Variants in TBL1X observed in about 807,000 individuals in gnomAD.
The protein encoded by TBL1X is transducin beta like 1 X-linked, also known as F-box-like/WD repeat-containing protein TBL1X.
A neutral mutation model predicts 50.7 loss-of-function variants in TBL1X; 10 were observed. The ratio of observed to expected loss-of-function variants is 0.20; its 90% CI spans 0.12 to 0.33. The LOEUF (loss-of-function observed/expected upper bound fraction) is 0.33. Among genes scored for constraint, TBL1X ranks in the 10% least tolerant of loss-of-function variants. The pLI is 1.00. For synonymous variants in TBL1X, 190 were observed against 214.7 expected, an observed-to-expected ratio of 0.88 and a Z score of 1.01; for missense variants, 340 against 504.4, an observed-to-expected ratio of 0.67 and a Z score of 3.12.
intron 2 of TBL1X, among the ~76,000 whole-genome samples, chrX:9,614,406 A>G (rs897017161): frequency 3.6e-5 from 4 of 110,957 alleles, no homozygotes; most frequent in African/African-American, 1.3e-4. Context: ...CATCTCTACA[A>G]AAAAAATTAG....
chrX:9,652,197 G>T (rs2037884912), intron 3 of TBL1X, among the ~76,000 whole-genome samples: 1 of 112,156 alleles, frequency 8.9e-6, no homozygotes, highest in African/African-American at 3.2e-5. Context: ...ATGCAATGTG[G>T]TGTTAATAAT....
chrX:9,611,445 G>A (rs1483571049), intron 2 of TBL1X, among the ~76,000 whole-genome samples: 4 of 112,032 alleles, frequency 3.6e-5, no homozygotes, highest in Non-Finnish European at 5.6e-5. Flanking sequence ...AAGGGCAGTC[G>A]AGTGTTCGAT....
intron 12 of TBL1X, among the ~76,000 whole-genome samples, chrX:9,702,780 AC>A (rs752438100): frequency 8.9e-6 from 1 of 111,847 alleles, no homozygotes; most frequent in East Asian, 2.8e-4. Context: ...TTGGCAAATA[AC>A]AGAATGGACC....
At chrX:9,628,926 GC>G (rs901969155) in intron 2 of TBL1X, among the ~76,000 whole-genome samples, 15 of 112,262 alleles carry the variant, frequency 1.3e-4, no homozygotes, top group Middle Eastern at 4.3e-3. Flanking sequence ...TTGCATGACT[GC>G]CCCAAAGACT....
intron 5 of TBL1X, among the ~76,000 whole-genome samples, chrX:9,658,678 C>T (rs192673345): frequency 9.8e-5 from 11 of 111,894 alleles, no homozygotes; most frequent in Non-Finnish European, 1.7e-4. Context: ...CAGGAACTTG[C>T]AAAACGGTAT....
chrX:9,617,593 G>C (rs1042752719), intron 2 of TBL1X, among the ~76,000 whole-genome samples: 2 of 112,096 alleles, frequency 1.8e-5, no homozygotes, highest in African/African-American at 6.5e-5. Context: ...GATCTGGGGA[G>C]ACCCAGAGAG....
At chrX:9,575,506 G>T in intron 2 of TBL1X, among the ~76,000 whole-genome samples, 1 of 111,781 alleles carries the variant, frequency 8.9e-6, no homozygotes, top group Non-Finnish European at 1.9e-5. Flanking sequence ...TGTTTTCAGG[G>T]TTCACTCATG....
rs1212854335 is a variant in TBL1X at position 9,628,865 on chromosome X, G to A, written c.-130-11408G>A. ...GCCTGGCAGACTTGGATGTTTTTAC[G>A]AGGCGTTTTGGGCTTGTGTTCTGTA... On this transcript the variant is annotated intron_variant, in intron 2 of 17. Transcript: ENST00000645353. Among the ~76,000 whole-genome samples, 3 of 111,992 alleles carry A rather than the reference G, an allele frequency of 2.7e-5. No homozygotes were observed. In the East Asian group the frequency reaches 8.4e-4, roughly 31 times the overall value.
chrX:9,560,715 G>A lies in TBL1X; in HGVS notation c.-131+58866G>A, dbSNP rs192875762. On this transcript the variant is annotated intron_variant, in intron 2 of 17. Transcript: ENST00000645353. ...GGAGTAGGTCCAGACAGATTCCGCA[G>A]TGTTCATGCAGTGTTCATGAAGCAG... Among the ~76,000 whole-genome samples the A allele has an allele frequency of 5.4e-5, 6 of 112,127 alleles. No individual in the cohort carries two copies. In the East Asian group the frequency reaches 1.7e-3, roughly 32 times the overall value.
At chrX:9,483,325 G>A (rs2081893062) in intron 1 of TBL1X, among the ~76,000 whole-genome samples, 1 of 112,368 alleles carries the variant, frequency 8.9e-6, no homozygotes, top group Non-Finnish European at 1.9e-5. Flanking sequence ...TGGAAGTAGG[G>A]ATTTTTTTCT....
intron 13 of TBL1X, among the ~76,000 whole-genome samples, chrX:9,706,321 C>A (rs1382142448): frequency 9.0e-6 from 1 of 111,045 alleles, no homozygotes; most frequent in Non-Finnish European, 1.9e-5. Context: ...TATCAGAGAC[C>A]CTAAACCTAT....
At chrX:9,550,481 G>A (rs1229724269) in intron 2 of TBL1X, among the ~76,000 whole-genome samples, 1 of 112,071 alleles carries the variant, frequency 8.9e-6, no homozygotes, top group Non-Finnish European at 1.9e-5. Flanking sequence ...CAGGCTTTTG[G>A]TGTAAAGCTC....
chrX:9,565,008 C>T (rs759500596), intron 2 of TBL1X, among the ~76,000 whole-genome samples: 38 of 110,363 alleles, frequency 3.4e-4, no homozygotes, highest in African/African-American at 1.1e-3. Context: ...CGGTGGCTCA[C>T]GCCTGTAATC....
intron 2 of TBL1X, among the ~76,000 whole-genome samples, chrX:9,580,572 C>G (rs957666184): frequency 1.8e-5 from 2 of 111,604 alleles, no homozygotes; most frequent in African/African-American, 6.5e-5. Context: ...TTCCCTTTAA[C>G]TTAGTGATTT....
chrX:9,470,768 G>A (rs1395403016), intron 1 of TBL1X, among the ~76,000 whole-genome samples: 2 of 111,254 alleles, frequency 1.8e-5, no homozygotes, highest in Admixed American at 1.9e-4. Flanking sequence ...CCGAGTAGCT[G>A]GGATTACAGG....
At chrX:9,569,093 C>G (rs1056592158) in intron 2 of TBL1X, among the ~76,000 whole-genome samples, 2 of 95,652 alleles carry the variant, frequency 2.1e-5, no homozygotes, top group African/African-American at 4.1e-5. Context: ...GTGTGTGTGT[C>G]TCTGCAGTGT....
intron 2 of TBL1X, among the ~76,000 whole-genome samples, chrX:9,507,648 A>G (rs1414076233): frequency 8.9e-6 from 1 of 112,275 alleles, no homozygotes; most frequent in Non-Finnish European, 1.9e-5. Flanking sequence ...ATCCTAAGCA[A>G]AAAGAACAAA....
chrX:9,484,140 G>A (rs1006781349), intron 1 of TBL1X, among the ~76,000 whole-genome samples: 2 of 111,155 alleles, frequency 1.8e-5, no homozygotes, highest in Non-Finnish European at 3.8e-5. Flanking sequence ...GAGTAGTTGG[G>A]ACTATAGGCG....
At chrX:9,707,340 G>A (rs754968580) in intron 13 of TBL1X, among the ~76,000 whole-genome samples, 3 of 111,905 alleles carry the variant, frequency 2.7e-5, no homozygotes, top group East Asian at 5.7e-4. Flanking sequence ...CTCTTCTCCC[G>A]GTCTAAACTT....
Sources: allele counts gnomAD v4.1 joint callset (sites outside exome capture counted in the v4.1 genomes callset), GRCh38; gene constraint gnomAD v4.1.1; transcripts MANE v1.5; gene names NCBI Gene and HGNC (gene_info 2026-07-23, HGNC 2026-07-21).